Variants in ANO4 observed in about 807,000 individuals in gnomAD.
ANO4 encodes the protein anoctamin 4, also known as anoctamin-4.
A neutral mutation model predicts 141.9 loss-of-function variants in ANO4; 69 were observed. The observed-to-expected ratio is 0.49, with a 90% CI of 0.40 to 0.59. ANO4 has a LOEUF of 0.59. ANO4 is among the 20% of genes least tolerant of loss of function. ANO4 has a pLI of 0.00. For synonymous variants in ANO4, 350 were observed against 394.3 expected (o/e 0.89, Z 1.33); for missense variants, 894 against 1,162.2 (o/e 0.77, Z 3.36).
intron 22 of ANO4, among the ~76,000 whole-genome samples, chr12:101,100,030 C>G (rs2050133240): frequency 6.6e-6 from 1 of 152,166 alleles, no homozygotes; most frequent in Non-Finnish European, 1.5e-5. Context: ...TACTTAATCT[C>G]TCTTTGTCTC....
chr12:100,827,630 G>A (rs545945563), intron 1 of ANO4, among the ~76,000 whole-genome samples: 46 of 151,740 alleles, frequency 3.0e-4, no homozygotes, highest in Admixed American at 1.3e-3. Flanking sequence ...TGATTTTAGC[G>A]GAAATAAATG....
At position 100,922,264 on chromosome 12, in the gene ANO4, CAA is replaced by C; in HGVS notation, c.96_97del (p.Gln32HisfsTer4). 1 of 1,532,950 alleles carries C rather than the reference CAA, an allele frequency of 6.5e-7. No individual in the cohort carries two copies. The highest frequency in any genetic ancestry group is 8.7e-7 in the Non-Finnish European group (1 of 1,145,810). 95.0% of individuals were successfully genotyped at this position (1,532,950 alleles called of 1,614,324 possible). ...TTTGCAAGGCTACCAGCTGGATATG[CAA>C]ATACTACCTGACGGGCCAAAGAGTG... Reference protein sequence around the residue: ...VDLQGYQLDMQILPDGPKSDV... With the variant: ...VDLQGYQLDMXILPDGPKSDV... On this transcript the variant is annotated frameshift_variant, in exon 3 of 28. Transcript: ENST00000392977. LOFTEE classifies it high-confidence loss of function.
At chr12:100,986,656 G>A (rs994596798) in intron 7 of ANO4, among the ~76,000 whole-genome samples, 1 of 152,120 alleles carries the variant, frequency 6.6e-6, no homozygotes, top group African/African-American at 2.4e-5. Flanking sequence ...AATTCCACGT[G>A]TTTTCAGTTA....
At chr12:101,036,637 TA>T (rs1355790754) in intron 9 of ANO4, among the ~76,000 whole-genome samples, 1 of 152,106 alleles carries the variant, frequency 6.6e-6, no homozygotes, top group Non-Finnish European at 1.5e-5. Flanking sequence ...TGTAGAATCT[TA>T]AAAAGCCAAA....
chr12:101,039,312 C>G (rs891167541), intron 10 of ANO4, among the ~76,000 whole-genome samples: 25 of 152,116 alleles, frequency 1.6e-4, no homozygotes, highest in African/African-American at 6.0e-4. Context: ...CGAGACTAGC[C>G]TGGGCAATAT....
intron 25 of ANO4, among the ~76,000 whole-genome samples, chr12:101,118,515 G>A (rs2050947887): frequency 1.3e-5 from 2 of 152,084 alleles, no homozygotes; most frequent in African/African-American, 2.4e-5. Flanking sequence ...CATATAGCAG[G>A]TGAGGCACCC....
At chr12:101,089,470 C>A (rs1323190903) in intron 17 of ANO4, among the ~76,000 whole-genome samples, 1 of 151,836 alleles carries the variant, frequency 6.6e-6, no homozygotes, top group Non-Finnish European at 1.5e-5. Flanking sequence ...CCCTTTTGAC[C>A]CCCCACCAGG....
At chr12:101,118,874 C>A (rs1308647618) in intron 25 of ANO4, among the ~76,000 whole-genome samples, 2 of 135,948 alleles carry the variant, frequency 1.5e-5, no homozygotes, top group African/African-American at 2.7e-5. Context: ...CCCCTCCCCC[C>A]ACCCCACGAC....
intron 1 of ANO4, among the ~76,000 whole-genome samples, chr12:100,886,213 AC>A (rs1303304434): frequency 6.6e-6 from 1 of 150,740 alleles, no homozygotes; most frequent in Non-Finnish European, 1.5e-5. Flanking sequence ...TGATTATGCA[AC>A]CCCCACCCCC....
intron 3 of ANO4, among the ~76,000 whole-genome samples, chr12:100,785,202 G>A (rs2033833628): frequency 1.3e-5 from 2 of 152,008 alleles, no homozygotes; most frequent in African/African-American, 4.8e-5. Context: ...TCCCCCACAA[G>A]GTTAGTATAT....
intron 6 of ANO4, among the ~76,000 whole-genome samples, chr12:100,972,351 A>G (rs941712556): frequency 2.0e-5 from 3 of 152,144 alleles, no homozygotes; most frequent in African/African-American, 4.8e-5. Flanking sequence ...GAGAAAGGCA[A>G]TTTCCATTCA....
At chr12:100,905,655 A>G (rs1162570490) in intron 2 of ANO4, among the ~76,000 whole-genome samples, 1 of 152,126 alleles carries the variant, frequency 6.6e-6, no homozygotes, top group East Asian at 1.9e-4. Flanking sequence ...AATATGGGCA[A>G]CTTTTTTGAG....
intron 2 of ANO4, among the ~76,000 whole-genome samples, chr12:100,910,596 C>T (rs1454602804): frequency 1.3e-5 from 2 of 152,072 alleles, no homozygotes; most frequent in African/African-American, 4.8e-5. Context: ...GACTCAAGAG[C>T]ATAGTAAACT....
chr12:100,791,510 AG>A (rs2034046787), upstream of ANO4, among the ~76,000 whole-genome samples: 1 of 152,252 alleles, frequency 6.6e-6, no homozygotes, highest in Non-Finnish European at 1.5e-5. Flanking sequence ...TATAAGCATT[AG>A]GAATTCATTT....
intron 14 of ANO4, among the ~76,000 whole-genome samples, chr12:101,060,980 G>T (rs1046514174): frequency 3.9e-5 from 6 of 152,152 alleles, no homozygotes; most frequent in Non-Finnish European, 7.4e-5. Flanking sequence ...AGCGTCAATA[G>T]TCTTGACAAT....
At chr12:100,718,741 C>G (rs867431941) in intron 1 of ANO4, among the ~76,000 whole-genome samples, 1 of 152,168 alleles carries the variant, frequency 6.6e-6, no homozygotes, top group Non-Finnish European at 1.5e-5. Flanking sequence ...CCCCCGTGCT[C>G]AGAACATTTT....
chr12:100,847,969 A>G (rs967258801), intron 1 of ANO4, among the ~76,000 whole-genome samples: 2 of 152,340 alleles, frequency 1.3e-5, no homozygotes, highest in African/African-American at 2.4e-5. Flanking sequence ...TATGTGCTGT[A>G]TGGCTATGAA....
intron 8 of ANO4, among the ~76,000 whole-genome samples, chr12:101,004,133 T>TA (rs981000298): frequency 5.1e-5 from 4 of 77,872 alleles, no homozygotes; most frequent in African/African-American, 3.0e-4. Flanking sequence ...GTTATTTTTT[T>TA]AAAAAAAGGA....
intron 2 of ANO4, among the ~76,000 whole-genome samples, chr12:100,921,652 T>C (rs566042166): frequency 2.0e-5 from 3 of 152,202 alleles, no homozygotes; most frequent in Non-Finnish European, 4.4e-5. Flanking sequence ...ATGCCAAAAA[T>C]ACATCAGACA....
Sources: allele counts gnomAD v4.1 joint callset (sites outside exome capture counted in the v4.1 genomes callset), GRCh38; gene constraint gnomAD v4.1.1; transcripts MANE v1.5; gene names NCBI Gene and HGNC (gene_info 2026-07-23, HGNC 2026-07-21).